The following TAF8 variants were observed in gnomAD, a reference collection of about 807,000 sequenced individuals.
TAF8 encodes the protein TATA-box binding protein associated factor 8.
In TAF8, 47 loss-of-function variants were observed where a neutral mutation model predicts 36.5. The observed-to-expected ratio is 1.29, with a 90% CI of 1.02 to 1.64. The LOEUF (loss-of-function observed/expected upper bound fraction) is 1.64. Ranked by LOEUF, TAF8 falls within the 40% of genes most tolerant of loss-of-function variation. TAF8 has a pLI of 0.00. For synonymous variants in TAF8, 175 were observed against 159.5 expected (o/e 1.10, Z -0.73); for missense variants, 420 against 407.6 (o/e 1.03, Z -0.26).
rs914103032 is a variant in TAF8 at position 42,082,178 on chromosome 6, GAC to G, written c.*4637_*4638del. ...TAACCACCAGCACACAAATGGTGAA[GAC>G]ACAGAACCATTGCATCAGTACAGTT... is the stretch of plus-strand genomic sequence containing the variant. On this transcript the variant is annotated 3_prime_UTR_variant, in exon 9 of 9. Transcript: ENST00000372977. The G allele has an allele frequency of 1.3e-5, 2 of 152,364 alleles. No homozygotes were observed. Among genetic ancestry groups the G allele is most frequent in the African/African-American group, 2.4e-5 (1 of 41,586 alleles). 9.4% of individuals were successfully genotyped at this position (152,364 alleles called of 1,614,324 possible).
intron 2 of TAF8, 144 bp downstream of exon 2, chr6:42,051,657 G>A (rs1764796027): frequency 1.1e-6 from 1 of 939,498 alleles, no homozygotes; most frequent in Non-Finnish European, 1.5e-6. Context: ...GTAAAAAGTT[G>A]AGAAAAGAAA....
chr6:42,076,413 GCA>G (rs1284096589), intron 7 of TAF8, among the ~76,000 whole-genome samples: 2 of 152,210 alleles, frequency 1.3e-5, no homozygotes, highest in Non-Finnish European at 2.9e-5. Flanking sequence ...TCACGCCACT[GCA>G]CTCCAGCCTG....
chr6:42,076,865 A>G (rs1765764466), intron 7 of TAF8, among the ~76,000 whole-genome samples: 1 of 151,530 alleles, frequency 6.6e-6, no homozygotes. Context: ...GAGGTTCAAA[A>G]CTCTGGACTC....
chr6:42,067,609 G>A (rs540236781), intron 6 of TAF8, among the ~76,000 whole-genome samples: 6 of 152,090 alleles, frequency 3.9e-5, no homozygotes, highest in South Asian at 4.2e-4. Context: ...TCACTTTGTC[G>A]CCCAGTCTTG....
chr6:42,077,320 G>T, intron 8 of TAF8, 81 bp downstream of exon 8: 1 of 1,538,408 alleles, frequency 6.5e-7, no homozygotes, highest in East Asian at 2.3e-5. Flanking sequence ...AGTCTCCTCA[G>T]TGGGGCGGAG....
Position 42,051,404 on chromosome 6 carries a change from G to C in TAF8, c.93G>C (p.Leu31=), listed in dbSNP as rs1764779931. ...CTAACCCTGCCGATAACTATCATCT[G>C]GCCCGGAGGAGAACCCTGCAGGTGG... ...QSTNPADNYH[L]ARRRTLQVVV... is the part of the protein sequence containing the mutation. Residue 31 remains leucine (L), a synonymous_variant, in exon 2 of 9, where the codon CTG becomes CTC. Transcript: ENST00000372977. 6.2e-7 allele frequency: 1 copy of C among 1,614,170 alleles called. No homozygotes were observed. Among genetic ancestry groups the C allele is most frequent in the Non-Finnish European group, 8.5e-7 (1 of 1,180,022 alleles).
intron 2 of TAF8, among the ~76,000 whole-genome samples, chr6:42,052,260 T>C (rs777664977): frequency 6.6e-6 from 1 of 151,886 alleles, no homozygotes; most frequent in Non-Finnish European, 1.5e-5. Flanking sequence ...GCAATAGATA[T>C]CATCACATTA....
At chr6:42,074,838 CTTTT>C (rs5875785) in intron 7 of TAF8, among the ~76,000 whole-genome samples, 46 of 143,346 alleles carry the variant, frequency 3.2e-4, no homozygotes, top group East Asian at 8.4e-4. Flanking sequence ...GCCTGGCCTA[CTTTT>C]TTTTTTTTTT....
chr6:42,058,669 C>T (rs917944591), intron 5 of TAF8, among the ~76,000 whole-genome samples: 1 of 152,164 alleles, frequency 6.6e-6, no homozygotes, highest in Non-Finnish European at 1.5e-5. Context: ...TAGCCCTTGC[C>T]CTTGCCCTTG....
intron 5 of TAF8, among the ~76,000 whole-genome samples, chr6:42,065,468 G>A (rs1009571440): frequency 6.6e-6 from 1 of 152,200 alleles, no homozygotes; most frequent in Non-Finnish European, 1.5e-5. Context: ...GCAGCCTGCC[G>A]TTTTCTTGGT....
intron 5 of TAF8, among the ~76,000 whole-genome samples, chr6:42,062,647 C>T (rs1274646436): frequency 6.8e-6 from 1 of 148,010 alleles, no homozygotes; most frequent in African/African-American, 2.5e-5. Context: ...AAGTGATTCT[C>T]CTGCCTCAGC....
rs1765869405 is a variant in TAF8, at chr6:42,079,848, C to A, written c.*2303C>A. On this transcript the variant is annotated 3_prime_UTR_variant, in exon 9 of 9. Coordinates refer to ENST00000372977, the MANE Select transcript of TAF8 (RefSeq NM_138572.3). ...AGATTACAGGCGTGAGCCACGGTGC[C>A]CAGCCCATCTCTTAGTCTTCCATTC... The A allele has an allele frequency of 2.0e-6, 2 of 985,280 alleles. No homozygotes were observed. The highest frequency in any genetic ancestry group is 9.4e-5 in the South Asian group (2 of 21,274). The allele number at this position is 985,280 out of a possible 1,614,324, so 61.0% of individuals were successfully genotyped here.
chr6:42,080,181 G>A lies in TAF8; in HGVS notation c.*2636G>A. The A allele has an allele frequency of 4.1e-6, 4 of 985,370 alleles. No individual in the cohort carries two copies. Among genetic ancestry groups the A allele is most frequent in the Non-Finnish European group, 3.6e-6 (3 of 829,964 alleles). 61.0% of individuals were successfully genotyped at this position (985,370 alleles called of 1,614,324 possible). On this transcript the variant is annotated 3_prime_UTR_variant, in exon 9 of 9. Coordinates refer to ENST00000372977, the MANE Select transcript of TAF8 (RefSeq NM_138572.3). ...AACACAGCCCCACATTCAAGCCGTG[G>A]CCAATCCCAGCTGTTCTCACTGCTC...
In TAF8 at chr6:42,071,417, C is replaced by T. The variant is rs1765569104; in HGVS notation, c.780+2810C>T. The T allele has an allele frequency of 1.7e-5, 3 of 178,756 alleles. No homozygotes were observed. In the South Asian group the frequency reaches 2.3e-4, roughly 14 times the overall value. The allele number at this position is 178,756 out of a possible 1,614,324, so 11.1% of individuals were successfully genotyped here. ...CTTGGCTCACTGCAACCTCCGCCTCCTGGGTTCAAGCGATTCTCCAGCCTC... is the reference window on the plus strand; with the variant it reads ...CTTGGCTCACTGCAACCTCCGCCTCTTGGGTTCAAGCGATTCTCCAGCCTC... On this transcript the variant is annotated intron_variant, in intron 7 of 8. Coordinates refer to ENST00000372977, the MANE Select transcript of TAF8 (RefSeq NM_138572.3).
At chr6:42,071,259 G>A in intron 7 of TAF8, 1 of 187,448 alleles carries the variant, frequency 5.3e-6, no homozygotes, top group South Asian at 7.0e-5. Context: ...GTTGCTAGTG[G>A]AATATGCCTG....
At position 42,072,768 on chromosome 6, in the gene TAF8, G is replaced by A. The variant is rs928419874; in HGVS notation, c.780+4161G>A. On this transcript the variant is annotated intron_variant, in intron 7 of 8. Transcript: ENST00000372977. ...GACCGAGTCTCGCTCTGTCACCCAG[G>A]CTGCAGTGCAGTGGCGTGATCTCGG... 2.6e-5 allele frequency among the ~76,000 whole-genome samples: 4 copies of A among 151,886 alleles called. No individual in the cohort carries two copies. The East Asian group carries it at 7.7e-4, about 29-fold the overall frequency.
Position 42,080,794 on chromosome 6 carries a change from A to AT in TAF8, c.*3255dup. On this transcript the variant is annotated 3_prime_UTR_variant, in exon 9 of 9. Coordinates refer to ENST00000372977, the MANE Select transcript of TAF8 (RefSeq NM_138572.3). ...TCTCAATGTGTATTTATAAATTTCTATTTTTTATAACTTTATGGGACTTCT... is the reference window on the plus strand; with the variant it reads ...TCTCAATGTGTATTTATAAATTTCTATTTTTTTATAACTTTATGGGACTTCT... 1 of 979,858 alleles carries AT rather than the reference A, an allele frequency of 1.0e-6. No individual in the cohort carries two copies. The highest frequency in any genetic ancestry group is 1.7e-5 in the African/African-American group (1 of 57,226). 60.7% of individuals were successfully genotyped at this position (979,858 alleles called of 1,614,324 possible).
intron 2 of TAF8, among the ~76,000 whole-genome samples, chr6:42,055,105 G>A (rs1365686107): frequency 6.6e-6 from 1 of 151,892 alleles, no homozygotes; most frequent in Non-Finnish European, 1.5e-5. Context: ...TGTATTTTTA[G>A]TAGAGAAGGG....
intron 7 of TAF8, among the ~76,000 whole-genome samples, chr6:42,070,271 G>A (rs906063785): frequency 2.5e-4 from 38 of 152,050 alleles, no homozygotes; most frequent in African/African-American, 9.2e-4. Context: ...GGCAGATCAC[G>A]AGGTCAGGAG....
Sources: allele counts gnomAD v4.1 joint callset (sites outside exome capture counted in the v4.1 genomes callset), GRCh38; gene constraint gnomAD v4.1.1; transcripts MANE v1.5; gene names NCBI Gene and HGNC (gene_info 2026-07-23, HGNC 2026-07-21).